The following CYFIP2 variants were observed in gnomAD, a reference collection of about 807,000 sequenced individuals.
The protein encoded by CYFIP2 is cytoplasmic FMR1 interacting protein 2.
CYFIP2 carries 29 observed loss-of-function variants against 158.7 expected under a neutral mutation model. The observed-to-expected ratio is 0.18, with a 90% CI of 0.14 to 0.25. The LOEUF (loss-of-function observed/expected upper bound fraction) is 0.25. Among genes scored for constraint, CYFIP2 ranks in the 10% least tolerant of loss-of-function variants. The pLI, the probability that CYFIP2 is intolerant of heterozygous loss-of-function variation, is 1.00. For missense variants in CYFIP2, 852 were observed against 1,639.5 expected (o/e 0.52, Z 8.29); for synonymous variants, 585 against 617.6 (o/e 0.95, Z 0.78).
intron 2 of CYFIP2, among the ~76,000 whole-genome samples, chr5:157,286,751 G>A (rs1757426076): frequency 6.6e-6 from 1 of 152,136 alleles, no homozygotes; most frequent in South Asian, 2.1e-4. Flanking sequence ...ATTTGGGCTT[G>A]TGGAGTTTAA....
chr5:157,381,385 G>A (rs1766055946), intron 26 of CYFIP2, among the ~76,000 whole-genome samples: 1 of 151,864 alleles, frequency 6.6e-6, no homozygotes, highest in Admixed American at 6.6e-5. Flanking sequence ...AAATTAGCCA[G>A]GCATGATGGC....
chr5:157,309,631 G>A, intron 9 of CYFIP2, 112 bp from the exon 10 acceptor site: 1 of 909,330 alleles, frequency 1.1e-6, no homozygotes, highest in Non-Finnish European at 1.7e-6. Context: ...AGAAACTAGG[G>A]GTCGGCCCCC....
intron 1 of CYFIP2, among the ~76,000 whole-genome samples, chr5:157,281,754 G>A (rs1757005157): frequency 6.6e-6 from 1 of 152,116 alleles, no homozygotes; most frequent in Admixed American, 6.5e-5. Context: ...CGTTTTCAAA[G>A]TCAAATCTAC....
chr5:157,289,498 G>A (rs1757657759), intron 3 of CYFIP2, among the ~76,000 whole-genome samples: 2 of 152,182 alleles, frequency 1.3e-5, no homozygotes, highest in South Asian at 4.1e-4. Context: ...GTGTCTGTAG[G>A]TTCGGTTTTT....
At chr5:157,331,800 T>C (rs924397795) in intron 20 of CYFIP2, among the ~76,000 whole-genome samples, 1 of 152,132 alleles carries the variant, frequency 6.6e-6, no homozygotes, top group Non-Finnish European at 1.5e-5. Flanking sequence ...CCCTGGTCAG[T>C]TGGTAGAAAA....
At chr5:157,324,665 A>C (rs1383448877) in intron 16 of CYFIP2, 1 of 152,202 alleles carries the variant, frequency 6.6e-6, no homozygotes, top group African/African-American at 2.4e-5. Flanking sequence ...GGCAATTATC[A>C]CACGCGAGGA....
chr5:157,336,369 A>G (rs970514306), intron 21 of CYFIP2, among the ~76,000 whole-genome samples: 1 of 152,234 alleles, frequency 6.6e-6, no homozygotes, highest in Non-Finnish European at 1.5e-5. Context: ...AATGTTTAAC[A>G]TTTGGAAGAA....
intron 3 of CYFIP2, among the ~76,000 whole-genome samples, chr5:157,294,178 G>T (rs1758063867): frequency 6.6e-6 from 1 of 152,124 alleles, no homozygotes; most frequent in South Asian, 2.1e-4. Context: ...TAACCTTGTG[G>T]CCTTTCATTA....
chr5:157,338,105 G>A (rs1362561453), intron 21 of CYFIP2, among the ~76,000 whole-genome samples: 6 of 152,216 alleles, frequency 3.9e-5, no homozygotes, highest in East Asian at 1.9e-4. Context: ...TAGCAGTGGC[G>A]GGGAAGTTGC....
intron 10 of CYFIP2, among the ~76,000 whole-genome samples, chr5:157,310,691 G>A (rs553811246): frequency 1.3e-5 from 2 of 152,348 alleles, no homozygotes; most frequent in East Asian, 3.9e-4. Context: ...GCGGAGGCTA[G>A]GGAAGTGACT....
intron 26 of CYFIP2, chr5:157,380,056 T>G (rs1043155163): frequency 6.6e-6 from 1 of 152,272 alleles, no homozygotes; most frequent in African/African-American, 2.4e-5. Context: ...AGTGAGTTTC[T>G]CTTGCTGTTT....
chr5:157,378,693 C>T (rs922486947), intron 26 of CYFIP2, among the ~76,000 whole-genome samples: 5 of 152,136 alleles, frequency 3.3e-5, no homozygotes, highest in Non-Finnish European at 7.4e-5. Context: ...ATGTCCTTGT[C>T]CACAGGATGG....
At chr5:157,387,823 C>T (rs1177858948) in intron 28 of CYFIP2, among the ~76,000 whole-genome samples, 3 of 152,304 alleles carry the variant, frequency 2.0e-5, no homozygotes, top group East Asian at 3.9e-4. Flanking sequence ...TTAAAACACA[C>T]ATTGGCAAGC....
intron 21 of CYFIP2, among the ~76,000 whole-genome samples, chr5:157,336,525 G>A (rs899374255): frequency 2.6e-5 from 4 of 152,178 alleles, no homozygotes; most frequent in African/African-American, 9.7e-5. Context: ...TCATTTATGT[G>A]TGTGACCTAC....
intron 5 of CYFIP2, among the ~76,000 whole-genome samples, chr5:157,298,752 C>T (rs1403961046): frequency 6.6e-6 from 1 of 152,200 alleles, no homozygotes; most frequent in Non-Finnish European, 1.5e-5. Flanking sequence ...GAGGCAACCA[C>T]TAAGCTACTT....
intron 5 of CYFIP2, among the ~76,000 whole-genome samples, chr5:157,299,682 C>T (rs1200921139): frequency 6.6e-6 from 1 of 152,188 alleles, no homozygotes; most frequent in African/African-American, 2.4e-5. Flanking sequence ...AGGCAGATCA[C>T]TTGAGGTCAG....
chr5:157,379,245 T>C (rs1765795498), intron 26 of CYFIP2, among the ~76,000 whole-genome samples: 1 of 152,184 alleles, frequency 6.6e-6, no homozygotes, highest in African/African-American at 2.4e-5. Context: ...GTCATATCTA[T>C]ATGATTATAG....
chr5:157,362,126 A>G (rs1034961969), intron 26 of CYFIP2, among the ~76,000 whole-genome samples: 2 of 152,236 alleles, frequency 1.3e-5, no homozygotes, highest in African/African-American at 4.8e-5. Context: ...GGTAGATTTC[A>G]GAGAGTTTCT....
intron 3 of CYFIP2, among the ~76,000 whole-genome samples, chr5:157,287,406 A>G (rs916686126): frequency 6.6e-6 from 1 of 152,178 alleles, no homozygotes; most frequent in African/African-American, 2.4e-5. Flanking sequence ...ATGTGATTGG[A>G]TCTTGCCTTG....
Sources: allele counts gnomAD v4.1 joint callset (sites outside exome capture counted in the v4.1 genomes callset), GRCh38; gene constraint gnomAD v4.1.1; transcripts MANE v1.5; gene names NCBI Gene and HGNC (gene_info 2026-07-23, HGNC 2026-07-21).